Variants in PCDH11X observed in about 807,000 individuals in gnomAD.
PCDH11X encodes the protein protocadherin-11 X-linked.
PCDH11X carries 18 observed loss-of-function variants against 53.3 expected under a neutral mutation model. The ratio of observed to expected loss-of-function variants is 0.34; its 90% CI spans 0.23 to 0.50. The LOEUF (loss-of-function observed/expected upper bound fraction) is 0.50. Ranked by LOEUF, PCDH11X falls within the 20% of genes least tolerant of loss-of-function variation. The pLI, the probability that PCDH11X is intolerant of heterozygous loss-of-function variation, is 0.98. For missense variants in PCDH11X, 570 were observed against 1,032.4 expected (o/e 0.55, Z 6.14); for synonymous variants, 279 against 393.3 (o/e 0.71, Z 3.44).
intron 5 of PCDH11X, among the ~76,000 whole-genome samples, chrX:91,848,707 G>T (rs903111209): frequency 4.5e-5 from 5 of 111,291 alleles, no homozygotes; most frequent in African/African-American, 1.6e-4. Flanking sequence ...TTTCACTCAG[G>T]GTTTTGGATA....
At chrX:92,103,693 G>A (rs2064312349) in intron 6 of PCDH11X, among the ~76,000 whole-genome samples, 1 of 112,359 alleles carries the variant, frequency 8.9e-6, no homozygotes, top group Non-Finnish European at 1.9e-5. Context: ...TTTCCGGCAT[G>A]TGTAACAAGT....
chrX:92,412,509 GTATATATATATATATATATATATA>G (rs748836273), intron 9 of PCDH11X, among the ~76,000 whole-genome samples: 9 of 64,431 alleles, frequency 1.4e-4, no homozygotes, highest in African/African-American at 2.1e-4. Flanking sequence ...AAAGAAAATA[GTATATATATATATATATATATATA>G]TATATATATA....
chrX:91,835,816 G>A lies in PCDH11X; in HGVS notation c.312G>A (p.Glu104=). The A allele has an allele frequency of 8.3e-7, 1 of 1,211,010 alleles. No individual in the cohort carries two copies. The highest frequency in any genetic ancestry group is 1.1e-6 in the Non-Finnish European group (1 of 895,300). The stretch of plus-strand genomic sequence containing the variant: ...TATGTGCTGGTATCCCAAGGGATGA[G>A]CATTGCTTTTATGAAGTGGAGGTTG... The part of the protein sequence containing the change: ...EKLCAGIPRD[E]HCFYEVEVAI... Residue 104 remains glutamate, a synonymous_variant, in exon 5 of 11, where the codon GAG becomes GAA. Transcript: ENST00000682573.
At position 91,879,471 on chromosome X, in the gene PCDH11X, T is replaced by C. The variant is rs905045018; in HGVS notation, c.3033+198T>C. The C allele has an allele frequency of 1.6e-5, 17 of 1,059,305 alleles. No individual in the cohort carries two copies. The African/African-American group carries it at 2.9e-4, about 18-fold the overall frequency. The allele number at this position is 1,059,305 out of a possible 1,213,427, so 87.3% of individuals were successfully genotyped here. On this transcript the variant is annotated intron_variant, in intron 6 of 10. Coordinates refer to ENST00000682573, the MANE Select transcript of PCDH11X (RefSeq NM_032968.5). Reference sequence around the variant, plus strand: ...AAAATAACTACTGATTTAGGAAAATTGGATGCAGAATAATAATTATAGTAG... The same window carrying C: ...AAAATAACTACTGATTTAGGAAAATCGGATGCAGAATAATAATTATAGTAG...
intron 7 of PCDH11X, among the ~76,000 whole-genome samples, chrX:92,222,711 A>G (rs1360539120): frequency 8.9e-6 from 1 of 111,907 alleles, no homozygotes; most frequent in Non-Finnish European, 1.9e-5. Flanking sequence ...AATGTATTTC[A>G]TCTCCGTAGG....
Position 91,967,147 on chromosome X carries a change from C to T in PCDH11X, c.3033+87874C>T, listed in dbSNP as rs56771359. On this transcript the variant is annotated intron_variant, in intron 6 of 10. Transcript: ENST00000682573. ...GCTTCCAGCTTCATCCAAGGAGAGACGTTGGAAGGGACCTATTTAGTGTCA... is the reference window on the plus strand; with the variant it reads ...GCTTCCAGCTTCATCCAAGGAGAGATGTTGGAAGGGACCTATTTAGTGTCA... Among the ~76,000 whole-genome samples, 448 of 110,113 alleles carry T rather than the reference C, an allele frequency of 4.1e-3. 3 individuals carry two copies. Among genetic ancestry groups the T allele is most frequent in the African/African-American group, 0.014 (410 of 30,194 alleles).
At chrX:91,856,510 T>G (rs1020680803) in intron 5 of PCDH11X, among the ~76,000 whole-genome samples, 2 of 109,656 alleles carry the variant, frequency 1.8e-5, no homozygotes, top group African/African-American at 6.6e-5. Flanking sequence ...GTGCAGTTCA[T>G]TACATAGGTA....
intron 8 of PCDH11X, among the ~76,000 whole-genome samples, chrX:92,386,906 TTGAA>T (rs1283323360): frequency 1.0e-5 from 1 of 96,217 alleles, no homozygotes; most frequent in African/African-American, 3.8e-5. Flanking sequence ...CTCAGGCTAT[TTGAA>T]AGTCTGAATA....
intron 6 of PCDH11X, among the ~76,000 whole-genome samples, chrX:92,127,573 T>C (rs1181893747): frequency 1.0e-4 from 10 of 97,487 alleles, no homozygotes; most frequent in Non-Finnish European, 2.0e-5. Context: ...CTGGCTGGAG[T>C]GCAGTGGCCT....
intron 8 of PCDH11X, among the ~76,000 whole-genome samples, chrX:92,336,206 A>T (rs2069615142): frequency 8.9e-6 from 1 of 112,078 alleles, no homozygotes; most frequent in African/African-American, 3.2e-5. Flanking sequence ...ATTTATTCTT[A>T]TGTTACATTT....
At chrX:92,460,766 C>G in intron 9 of PCDH11X, 1 of 1,160,649 alleles carries the variant, frequency 8.6e-7, no homozygotes, top group Non-Finnish European at 1.2e-6. Flanking sequence ...TGCTGAACAT[C>G]AAGGTCAAGC....
At chrX:92,173,779 T>A (rs752893552) in intron 6 of PCDH11X, among the ~76,000 whole-genome samples, 6 of 107,111 alleles carry the variant, frequency 5.6e-5, no homozygotes, top group Non-Finnish European at 9.6e-5. Context: ...AGCCCAGGAG[T>A]TTGAGACCAG....
chrX:92,124,035 C>T (rs1462079566), intron 6 of PCDH11X, among the ~76,000 whole-genome samples: 2 of 111,365 alleles, frequency 1.8e-5, no homozygotes, highest in East Asian at 5.6e-4. Context: ...AGGACACTGC[C>T]ACACCCACCA....
intron 6 of PCDH11X, among the ~76,000 whole-genome samples, chrX:92,169,721 T>C (rs187553638): frequency 8.2e-5 from 9 of 109,582 alleles, no homozygotes; most frequent in Non-Finnish European, 1.5e-4. Context: ...GTGCTTATTA[T>C]AAGCCAGGAA....
chrX:91,926,762 T>A (rs771152675), intron 6 of PCDH11X, among the ~76,000 whole-genome samples: 19 of 111,298 alleles, frequency 1.7e-4, no homozygotes, highest in Admixed American at 7.7e-4. Context: ...TGTATAGTGA[T>A]CAGATCAGGG....
intron 10 of PCDH11X, among the ~76,000 whole-genome samples, chrX:92,579,793 ATGT>A (rs1201290054): frequency 3.6e-5 from 4 of 111,286 alleles, no homozygotes; most frequent in Non-Finnish European, 5.7e-5. Flanking sequence ...TGCTAAAGAG[ATGT>A]TGTGATAATT....
chrX:91,968,816 T>A (rs1428948735), intron 6 of PCDH11X, among the ~76,000 whole-genome samples: 1 of 111,506 alleles, frequency 9.0e-6, no homozygotes, highest in Non-Finnish European at 1.9e-5. Flanking sequence ...AATCTAAAAA[T>A]GGGTGACTTA....
chrX:92,437,326 T>G (rs1307685977), intron 9 of PCDH11X, among the ~76,000 whole-genome samples: 2 of 111,628 alleles, frequency 1.8e-5, no homozygotes, highest in African/African-American at 6.5e-5. Flanking sequence ...TAGTAAAATT[T>G]TATATCTTTT....
chrX:92,395,945 T>C (rs143004836), intron 9 of PCDH11X, among the ~76,000 whole-genome samples: 1,468 of 96,897 alleles, frequency 0.015, 8 homozygotes, highest in Admixed American at 0.037. Context: ...ATGAGGCCCT[T>C]TTTTTTTTTA....
Sources: allele counts gnomAD v4.1 joint callset (sites outside exome capture counted in the v4.1 genomes callset), GRCh38; gene constraint gnomAD v4.1.1; transcripts MANE v1.5; gene names NCBI Gene and HGNC (gene_info 2026-07-23, HGNC 2026-07-21).